AK7: variants seen among roughly 807,000 people sequenced by gnomAD.
The protein encoded by AK7 is ATP-AMP transphosphorylase 7.
In AK7, 78 loss-of-function variants were observed where a neutral mutation model predicts 96.6. The ratio of observed to expected loss-of-function variants is 0.81; its 90% CI spans 0.67 to 0.97. The LOEUF (loss-of-function observed/expected upper bound fraction) is 0.97. Among genes scored for constraint, AK7 ranks in the 50% least tolerant of loss-of-function variants. AK7 has a pLI of 0.00. For missense variants in AK7, 855 were observed against 887.9 expected (o/e 0.96, Z 0.47); for synonymous variants, 302 against 317.2 (o/e 0.95, Z 0.51).
At chr14:96,449,378 T>G (rs370307958) in intron 8 of AK7, among the ~76,000 whole-genome samples, 194 of 152,320 alleles carry the variant, frequency 1.3e-3, no homozygotes, top group African/African-American at 4.6e-3. Context: ...TTGGCACTAA[T>G]GCTATTTAAA....
chr14:96,457,414 T>C (rs2140125841), intron 11 of AK7, among the ~76,000 whole-genome samples: 1 of 152,334 alleles, frequency 6.6e-6, no homozygotes, highest in South Asian at 2.1e-4. Context: ...GAAATGCTTT[T>C]TTTAGTTTTA....
At chr14:96,404,150 TAAAAAAAAAAAAA>T (rs34091316) in intron 2 of AK7, among the ~76,000 whole-genome samples, 1 of 99,774 alleles carries the variant, frequency 1.0e-5, no homozygotes, top group African/African-American at 3.7e-5. Flanking sequence ...TGTCTCAAAT[TAAAAAAAAAAAAA>T]AAAAAAAAAA....
Position 96,449,796 on chromosome 14 carries a change from TAA to T in AK7, c.871-5_871-4del, listed in dbSNP as rs750977897. The T allele has an allele frequency of 5.6e-6, 9 of 1,603,770 alleles. No individual in the cohort carries two copies. In the East Asian group the frequency reaches 1.8e-4, roughly 32 times the overall value. On this transcript the variant is annotated splice_region_variant and splice_polypyrimidine_tract_variant and intron_variant, in intron 8 of 17. Coordinates refer to ENST00000267584, the MANE Select transcript of AK7 (RefSeq NM_152327.5). ...ACCAACTAATATTTCGATTTTCCTC[TAA>T]CAGTGTATCAGTAAAAATACTGGCC...
chr14:96,463,642 C>A (rs571790098), intron 12 of AK7, among the ~76,000 whole-genome samples: 2 of 148,454 alleles, frequency 1.3e-5, no homozygotes, highest in Admixed American at 1.4e-4. Flanking sequence ...ATGGTGTGAA[C>A]CTGGGAGGCG....
intron 1 of AK7, among the ~76,000 whole-genome samples, 173 bp downstream of exon 1, chr14:96,392,432 C>A (rs946149089): frequency 6.6e-6 from 1 of 152,244 alleles, no homozygotes; most frequent in African/African-American, 2.4e-5. Context: ...AGTCCGCACC[C>A]AGGCTGGTCA....
intron 4 of AK7, among the ~76,000 whole-genome samples, chr14:96,417,281 A>G (rs1271055721): frequency 2.5e-5 from 3 of 121,970 alleles, no homozygotes; most frequent in African/African-American, 1.0e-4. Context: ...ATTGTTTAGC[A>G]TACCTATACC....
rs147452577 is a variant in AK7, at chr14:96,423,715, C to T, written c.609+2783C>T. On this transcript the variant is annotated intron_variant, in intron 5 of 17. Coordinates refer to ENST00000267584, the MANE Select transcript of AK7 (RefSeq NM_152327.5). ...CCCCCTACTTCCCAGACAGCTGCTC[C>T]TACAATTTGGGCACATAGTCGTCCC... 1.3e-3 allele frequency: 891 copies of T among 698,098 alleles called. 1 individual carries two copies. Among genetic ancestry groups the T allele is most frequent in the African/African-American group, 0.012 (667 of 56,712 alleles). The allele number at this position is 698,098 out of a possible 1,614,324, so 43.2% of individuals were successfully genotyped here. A position where few individuals can be genotyped will look rare whatever the true frequency, so the allele number is the denominator to read the frequency against.
At chr14:96,479,787 G>A (rs1895413166) in intron 15 of AK7, among the ~76,000 whole-genome samples, 1 of 152,146 alleles carries the variant, frequency 6.6e-6, no homozygotes, top group South Asian at 2.1e-4. Flanking sequence ...TATGGGCTTG[G>A]TGAGAAAGAA....
rs145265385 is a variant in AK7 at position 96,469,033 on chromosome 14, G to A, written c.1358-2445G>A. Among the ~76,000 whole-genome samples, 46 of 152,164 alleles carry A rather than the reference G, an allele frequency of 3.0e-4. 1 individual carries two copies. The highest frequency in any genetic ancestry group is 1.1e-3 in the African/African-American group (45 of 41,528). On this transcript the variant is annotated intron_variant, in intron 12 of 17. Coordinates refer to ENST00000267584, the MANE Select transcript of AK7 (RefSeq NM_152327.5). ...TCCTTTGTGTACTGGGTCATGCCTT[G>A]TAAGCATCCCATAATTACCAAAAAA...
intron 5 of AK7, among the ~76,000 whole-genome samples, chr14:96,436,343 T>G (rs1469210173): frequency 6.6e-6 from 1 of 152,126 alleles, no homozygotes; most frequent in African/African-American, 2.4e-5. Flanking sequence ...TGAGTAACAT[T>G]CTTCCTAAAA....
At chr14:96,426,366 G>A (rs1892028661) in intron 5 of AK7, among the ~76,000 whole-genome samples, 1 of 151,914 alleles carries the variant, frequency 6.6e-6, no homozygotes, top group Non-Finnish European at 1.5e-5. Context: ...ATATCTTATT[G>A]TACTGTGTCA....
At chr14:96,398,379 GC>G in intron 2 of AK7, 116 bp downstream of exon 2, 1 of 1,091,620 alleles carries the variant, frequency 9.2e-7, no homozygotes, top group Non-Finnish European at 1.3e-6. Context: ...CACAGACATG[GC>G]CAGGTTGAGG....
At chr14:96,485,463 A>G (rs745541911) in intron 16 of AK7, among the ~76,000 whole-genome samples, 1 of 152,138 alleles carries the variant, frequency 6.6e-6, no homozygotes, top group Non-Finnish European at 1.5e-5. Context: ...TCTGTGTCTC[A>G]GTTTCTCCAT....
chr14:96,474,630 A>G (rs560861773), intron 14 of AK7, among the ~76,000 whole-genome samples: 1 of 152,092 alleles, frequency 6.6e-6, no homozygotes, highest in African/African-American at 2.4e-5. Flanking sequence ...GTCTCAAAAA[A>G]ATTAATTAAA....
rs1452209667 is a variant in AK7 at position 96,489,067 on chromosome 14, T to A, written c.*724T>A. On this transcript the variant is annotated 3_prime_UTR_variant, in exon 18 of 18. Transcript: ENST00000267584. ...TTCCAGTTCTAAAAATCCCATAAGA[T>A]TCCTAGAATTACCCTAAATGAGAAA... The A allele has an allele frequency of 1.3e-5, 2 of 152,210 alleles. No individual in the cohort carries two copies. Among genetic ancestry groups the A allele is most frequent in the Non-Finnish European group, 2.9e-5 (2 of 68,010 alleles). The allele number at this position is 152,210 out of a possible 1,614,324, so 9.4% of individuals were successfully genotyped here. A position where few individuals can be genotyped will look rare whatever the true frequency, so the allele number is the denominator to read the frequency against.
At chr14:96,451,650 G>T in intron 10 of AK7, 80 bp downstream of exon 10, 1 of 1,296,764 alleles carries the variant, frequency 7.7e-7, no homozygotes. Flanking sequence ...GCCAACGGAA[G>T]TATTTGCTTT....
Position 96,449,834 on chromosome 14 carries a change from C to A in AK7, c.903C>A (p.Ile301=), listed in dbSNP as rs757378201. The A allele has an allele frequency of 2.2e-5, 36 of 1,610,620 alleles. No homozygotes were observed. The Admixed American group carries it at 5.9e-4, about 26-fold the overall frequency. ...GTAAAAATACTGGCCCTGGGAAAATCCAGAAAATACCCAGAGAAAATGCAT... is the reference window on the plus strand; with the variant it reads ...GTAAAAATACTGGCCCTGGGAAAATACAGAAAATACCCAGAGAAAATGCAT... ...CISKNTGPGK[I]QKIPRENAYL... is the part of the protein sequence containing the mutation. The change falls in exon 9 of 18, where the codon ATC becomes ATA. Residue 301 remains isoleucine, a synonymous_variant. Transcript: ENST00000267584.
chr14:96,398,384 G>T, intron 2 of AK7, 121 bp downstream of exon 2: 1 of 1,043,620 alleles, frequency 9.6e-7, no homozygotes, highest in Non-Finnish European at 1.4e-6. Context: ...ACATGGCCAG[G>T]TTGAGGGAAT....
chr14:96,408,561 G>C (rs1273862313), intron 3 of AK7, among the ~76,000 whole-genome samples: 3 of 152,252 alleles, frequency 2.0e-5, no homozygotes, highest in African/African-American at 7.2e-5. Flanking sequence ...AGCTCAGAAG[G>C]GATCAGGCAA....
Sources: gnomAD v4.1 joint callset for allele counts (sites outside exome capture counted in the v4.1 genomes callset) on GRCh38, gnomAD v4.1.1 for gene constraint, MANE v1.5 for transcripts, NCBI Gene and HGNC (gene_info 2026-07-23, HGNC 2026-07-21) for gene names.